TRPM1: variants seen among roughly 807,000 people sequenced by gnomAD.
TRPM1 encodes the protein TRPM1-203 APA Isoform, Intron 10.
TRPM1 carries 113 observed loss-of-function variants against 149.4 expected under a neutral mutation model. The ratio of observed to expected loss-of-function variants is 0.76; its 90% confidence interval spans 0.65 to 0.88. The LOEUF is 0.88. Among genes scored for constraint, TRPM1 ranks in the 40% least tolerant of loss-of-function variants. The probability of loss-of-function intolerance (pLI) is 0.00; values close to 1 mark genes in which losing one functional copy is unlikely to be tolerated. For missense variants in TRPM1, 1,976 were observed against 2,038.7 expected (o/e 0.97, Z 0.59); for synonymous variants, 741 against 759.5 (o/e 0.98, Z 0.40).
At chr15:31,073,669 C>G (rs2034617946) in intron 3 of TRPM1, among the ~76,000 whole-genome samples, 1 of 152,038 alleles carries the variant, frequency 6.6e-6, no homozygotes, top group Admixed American at 6.6e-5. Flanking sequence ...TTACTTCTCT[C>G]TTTCCAATCT....
At chr15:31,129,522 C>G (rs2035992157) in intron 1 of TRPM1, among the ~76,000 whole-genome samples, 1 of 152,170 alleles carries the variant, frequency 6.6e-6, no homozygotes, top group Non-Finnish European at 1.5e-5. Context: ...TGTCAACTTT[C>G]TGAAAAATAC....
chr15:31,026,084 G>C (rs1028355747), intron 27 of TRPM1, 55 bp downstream of exon 27: 20 of 1,604,720 alleles, frequency 1.2e-5, no homozygotes, highest in Non-Finnish European at 1.7e-5. Flanking sequence ...AGAGTGGGGC[G>C]CCCGAGTCAG....
chr15:31,061,993 C>T (rs1282009237), intron 9 of TRPM1, among the ~76,000 whole-genome samples: 1 of 152,046 alleles, frequency 6.6e-6, no homozygotes, highest in Non-Finnish European at 1.5e-5. Context: ...CGGCTGATTT[C>T]CAGAAGTTAT....
intron 1 of TRPM1, 93 bp downstream of exon 1, chr15:31,101,564 G>A: frequency 1.3e-6 from 1 of 760,820 alleles, no homozygotes; most frequent in Non-Finnish European, 1.6e-6. Context: ...GTGGTTATCT[G>A]CACCTGAGTT....
At chr15:31,143,447 C>T (rs1489047489) in intron 1 of TRPM1, among the ~76,000 whole-genome samples, 1 of 152,092 alleles carries the variant, frequency 6.6e-6, no homozygotes, top group African/African-American at 2.4e-5. Flanking sequence ...CCTCTGCTGC[C>T]CACGCTGGAG....
Position 31,029,253 on chromosome 15 carries a change from C to T in TRPM1, c.3148+118G>A, listed in dbSNP as rs77130820. ...TTACTGACAGCTTAAAAAGTACTGGCACCAAAAAACAAGAGAAGTATTTGA... is the reference window on the plus strand; with the variant it reads ...TTACTGACAGCTTAAAAAGTACTGGTACCAAAAAACAAGAGAAGTATTTGA... On this transcript the variant is annotated intron_variant, in intron 24 of 27. Coordinates refer to ENST00000256552, the MANE Select transcript of TRPM1 (RefSeq NM_001252024.2). 4,228 of 1,080,792 alleles carry T rather than the reference C, an allele frequency of 3.9e-3. 107 individuals are homozygous for T. In the African/African-American group the frequency reaches 0.057, roughly 15 times the overall value. 67.0% of individuals were successfully genotyped at this position (1,080,792 alleles called of 1,614,324 possible).
intron 1 of TRPM1, among the ~76,000 whole-genome samples, chr15:31,100,910 C>A (rs1046260193): frequency 6.6e-5 from 10 of 152,158 alleles, no homozygotes; most frequent in African/African-American, 2.2e-4. Flanking sequence ...CTTCAGGATT[C>A]GCTCCTCAGG....
intron 27 of TRPM1, among the ~76,000 whole-genome samples, chr15:31,016,964 C>CGT (rs2032376049): frequency 1.4e-5 from 1 of 69,998 alleles, no homozygotes. Flanking sequence ...ACCTGGCGTA[C>CGT]ACACACACAC....
At chr15:31,125,584 G>T (rs1256871388) in intron 1 of TRPM1, among the ~76,000 whole-genome samples, 20 of 149,204 alleles carry the variant, frequency 1.3e-4, no homozygotes, top group African/African-American at 4.7e-4. Flanking sequence ...CAAAAAATTA[G>T]CCGGGCGTAG....
intron 18 of TRPM1, 98 bp from the exon 19 acceptor site, chr15:31,038,264 T>C (rs2033492672): frequency 7.3e-7 from 1 of 1,370,728 alleles, no homozygotes. Flanking sequence ...CATTATTCAA[T>C]AACCTAGGAG....
At chr15:31,018,303 G>A (rs1047167520) in intron 27 of TRPM1, among the ~76,000 whole-genome samples, 25 of 150,692 alleles carry the variant, frequency 1.7e-4, no homozygotes, top group African/African-American at 5.4e-4. Flanking sequence ...TGCCCGCCTC[G>A]GCCTCCCAAA....
chr15:31,051,490 C>G (rs181534937), intron 11 of TRPM1, among the ~76,000 whole-genome samples: 165 of 152,352 alleles, frequency 1.1e-3, no homozygotes, highest in African/African-American at 3.8e-3. Flanking sequence ...GCATTTCATG[C>G]TGGGTTCTCA....
chr15:31,111,459 C>G (rs1228068203), intron 1 of TRPM1, among the ~76,000 whole-genome samples: 1 of 152,304 alleles, frequency 6.6e-6, no homozygotes, highest in African/African-American at 2.4e-5. Flanking sequence ...GAAGTTGATT[C>G]GACCTTTTCT....
At position 31,067,124 on chromosome 15, in the gene TRPM1, C is replaced by T. The variant is rs965456174; in HGVS notation, c.557G>A (p.Cys186Tyr). The T allele has an allele frequency of 1.9e-6, 3 of 1,614,152 alleles. No individual in the cohort carries two copies. The highest frequency in any genetic ancestry group is 1.1e-5 in the South Asian group (1 of 91,048). ...GCCCCATGGAGCAATTCCTATAGCACAAACCCGGCCTCTGGACTTGGAGGA... is the reference window on the plus strand; with the variant it reads ...GCCCCATGGAGCAATTCCTATAGCATAAACCCGGCCTCTGGACTTGGAGGA... Reference protein sequence around the residue: ...DHSSKSRGRVCAIGIAPWGIV... With the variant: ...DHSSKSRGRVYAIGIAPWGIV... Residue 186 changes from cysteine (C) to tyrosine (Y), a missense_variant, in exon 6 of 28, where the codon TGT becomes TAT. By Grantham distance (194) the Cys-to-Tyr change is radical. Coordinates refer to ENST00000256552, the MANE Select transcript of TRPM1 (RefSeq NM_001252024.2).
At chr15:31,038,301 G>A (rs1277421867) in intron 18 of TRPM1, 135 bp from the exon 19 acceptor site, 31 of 998,310 alleles carry the variant, frequency 3.1e-5, no homozygotes, top group Admixed American at 7.1e-5. Flanking sequence ...CTGGTCTGAC[G>A]TTCTGTGACA....
At chr15:31,113,698 G>A (rs143085681) in intron 1 of TRPM1, among the ~76,000 whole-genome samples, 120 of 152,110 alleles carry the variant, frequency 7.9e-4, no homozygotes, top group Non-Finnish European at 1.4e-3. Flanking sequence ...TGTGCCCATA[G>A]TTAGTTCATT....
Position 31,037,550 on chromosome 15 carries a change from G to A in TRPM1, c.2571+161C>T, listed in dbSNP as rs75969010. ...ATGTGACAGGATATCGAGATCCAAT[G>A]TTAGCCAGAGATCTCAATTAGTCCC... On this transcript the variant is annotated intron_variant, in intron 20 of 27. Transcript: ENST00000256552. Among the ~76,000 whole-genome samples the A allele has an allele frequency of 0.045, 6,804 of 152,280 alleles. 172 individuals are homozygous for A. The highest frequency in any genetic ancestry group is 0.071 in the Middle Eastern group (21 of 294).
At chr15:31,145,425 G>C (rs973953404) in intron 1 of TRPM1, among the ~76,000 whole-genome samples, 1 of 152,056 alleles carries the variant, frequency 6.6e-6, no homozygotes, top group South Asian at 2.1e-4. Context: ...TTCACAATCC[G>C]TATCTTCTGT....
At chr15:31,113,763 G>A (rs368585308) in intron 1 of TRPM1, among the ~76,000 whole-genome samples, 13 of 152,176 alleles carry the variant, frequency 8.5e-5, no homozygotes, top group African/African-American at 2.9e-4. Context: ...GACCTTCCCG[G>A]TGAGTGTTAC....
Sources: allele counts gnomAD v4.1 joint callset (sites outside exome capture counted in the v4.1 genomes callset), GRCh38; gene constraint gnomAD v4.1.1; transcripts MANE v1.5; gene names NCBI Gene and HGNC (gene_info 2026-07-23, HGNC 2026-07-21).